IL11RA: variants seen among roughly 807,000 people sequenced by gnomAD.
IL11RA encodes interleukin 11 receptor subunit alpha.
In IL11RA, 51 loss-of-function variants were observed where a neutral mutation model predicts 57.0. The observed-to-expected ratio is 0.89, with a 90% CI of 0.71 to 1.13. IL11RA has a LOEUF of 1.13. Ranked by LOEUF, IL11RA falls within the 50% of genes most tolerant of loss-of-function variation. The pLI is 0.00. For synonymous variants in IL11RA, 199 were observed against 217.5 expected (o/e 0.91, Z 0.75); for missense variants, 498 against 539.4 (o/e 0.92, Z 0.76).
At chr9:34,655,160 C>G in intron 1 of IL11RA, 58 bp from the exon 2 acceptor site, 1 of 1,223,564 alleles carries the variant, frequency 8.2e-7, no homozygotes, top group Non-Finnish European at 1.2e-6. Flanking sequence ...GAGGAAGAGC[C>G]AGGCTTTAGC....
chr9:34,655,561 A>AG (rs757223662), intron 2 of IL11RA, 44 bp from the exon 3 acceptor site: 1 of 1,563,680 alleles, frequency 6.4e-7, no homozygotes, highest in South Asian at 1.1e-5. Context: ...CAAAGTGGGG[A>AG]GGGGGGTAAA....
intron 3 of IL11RA, among the ~76,000 whole-genome samples, chr9:34,656,242 G>T (rs1331619891): frequency 6.6e-6 from 1 of 151,976 alleles, no homozygotes; most frequent in African/African-American, 2.4e-5. Flanking sequence ...TACCATGTTG[G>T]TCAGGCTTTG....
chr9:34,654,873 G>C (rs2812354), intron 1 of IL11RA, among the ~76,000 whole-genome samples: 113 of 152,306 alleles, frequency 7.4e-4, no homozygotes, highest in Non-Finnish European at 1.3e-3. Flanking sequence ...AGTGCTTGGT[G>C]CCAGGGGTGG....
At position 34,658,438 on chromosome 9, in the gene IL11RA, C is replaced by T; in HGVS notation, c.647-82C>T. 7.0e-7 allele frequency: 1 copy of T among 1,438,640 alleles called. No individual in the cohort carries two copies. The highest frequency in any genetic ancestry group is 9.8e-7 in the Non-Finnish European group (1 of 1,020,258). The allele number at this position is 1,438,640 out of a possible 1,614,324, so 89.1% of individuals were successfully genotyped here. A position where few individuals can be genotyped will look rare whatever the true frequency, so the allele number is the denominator to read the frequency against. On this transcript the variant is annotated intron_variant, in intron 7 of 12. Coordinates refer to ENST00000441545, the MANE Select transcript of IL11RA (RefSeq NM_001142784.3). This position sits in a 1 kb window ranked among gnomAD's most constrained non-coding sequence, Gnocchi z 4.0. ...TCTCAGGAGTGTCTGGCTAAGGCTC[C>T]TTTAAACACACACTTTGGGAAGTGG...
At position 34,653,162 on chromosome 9, in the gene IL11RA, T is replaced by C. The variant is rs1402420708; in HGVS notation, c.-1+929T>C. 1.3e-5 allele frequency among the ~76,000 whole-genome samples: 2 copies of C among 152,174 alleles called. No homozygotes were observed. On this transcript the variant is annotated intron_variant, in intron 1 of 12. Coordinates refer to ENST00000441545, the MANE Select transcript of IL11RA (RefSeq NM_001142784.3). The surrounding 1 kb of genome is among the most constrained non-coding windows in gnomAD (Gnocchi z 4.5). ...CTGAGAGAGGGGGCTTAGACCATGA[T>C]GAAGAGTTGCTTTTAGGCGGTGCTG... is the stretch of plus-strand genomic sequence containing the variant.
chr9:34,657,284 A>C lies in IL11RA; in HGVS notation c.447-19A>C. On this transcript the variant is annotated intron_variant, in intron 5 of 12. Coordinates refer to ENST00000441545, the MANE Select transcript of IL11RA (RefSeq NM_001142784.3). ...GCCCTCTTTTCCTTCCTGACTTCAGATGGCCCCCTCCCCACCAGGAAGAAG... is the reference window on the plus strand; with the variant it reads ...GCCCTCTTTTCCTTCCTGACTTCAGCTGGCCCCCTCCCCACCAGGAAGAAG... 3.1e-6 allele frequency: 5 copies of C among 1,614,128 alleles called. No individual in the cohort carries two copies. The highest frequency in any genetic ancestry group is 4.2e-6 in the Non-Finnish European group (5 of 1,180,014).
chr9:34,660,733 C>A, intron 11 of IL11RA, 121 bp from the exon 12 acceptor site: 1 of 1,168,928 alleles, frequency 8.6e-7, no homozygotes, highest in Non-Finnish European at 1.3e-6. Flanking sequence ...CCCATACCTC[C>A]ATCCCCCATG....
intron 8 of IL11RA, among the ~76,000 whole-genome samples, chr9:34,659,413 GTA>G (rs1395810530): frequency 1.3e-5 from 2 of 152,176 alleles, no homozygotes; most frequent in African/African-American, 4.8e-5. Flanking sequence ...TGCCTGTGGG[GTA>G]CCTGGCTACA....
chr9:34,661,414 A>G, intron 12 of IL11RA, 68 bp from the exon 13 acceptor site: 1 of 1,562,952 alleles, frequency 6.4e-7, no homozygotes, highest in Non-Finnish European at 8.8e-7. Context: ...CACCTCCCTC[A>G]TTCTCAGGGT....
At chr9:34,656,453 A>T (rs1821345097) in intron 3 of IL11RA, among the ~76,000 whole-genome samples, 1 of 152,226 alleles carries the variant, frequency 6.6e-6, no homozygotes, top group Non-Finnish European at 1.5e-5. Flanking sequence ...CTCGTGACAG[A>T]GGGAGCAGCT....
At position 34,655,585 on chromosome 9, in the gene IL11RA, C is replaced by T. The variant is rs367888317; in HGVS notation, c.101-20C>T. ...GAGGGGGGTAAAGGAAGAGCCTTAC[C>T]TCAGAAGTGCCCTCCACAGGGGTCC... On this transcript the variant is annotated intron_variant, in intron 2 of 12. Coordinates refer to ENST00000441545, the MANE Select transcript of IL11RA (RefSeq NM_001142784.3). The T allele has an allele frequency of 6.2e-7, 1 of 1,613,078 alleles. No individual in the cohort carries two copies. Among genetic ancestry groups the T allele is most frequent in the Non-Finnish European group, 8.5e-7 (1 of 1,179,122 alleles).
chr9:34,661,110 G>A (rs141159616), intron 12 of IL11RA, among the ~76,000 whole-genome samples, 174 bp downstream of exon 12: 176 of 152,044 alleles, frequency 1.2e-3, no homozygotes, highest in African/African-American at 3.9e-3. Flanking sequence ...TGAGTCCCTG[G>A]GCTCAGAAGT....
Position 34,659,917 on chromosome 9 carries a change from A to G in IL11RA, c.952+17A>G. ...CGAGCACTGGTGAGAGACAAAGCCA[A>G]AGAAAAGGGCAGAGGCCCCATCCCA... On this transcript the variant is annotated intron_variant, in intron 9 of 12. Coordinates refer to ENST00000441545, the MANE Select transcript of IL11RA (RefSeq NM_001142784.3). 2 of 1,613,600 alleles carry G rather than the reference A, an allele frequency of 1.2e-6. No homozygotes were observed. The highest frequency in any genetic ancestry group is 8.5e-7 in the Non-Finnish European group (1 of 1,179,742).
chr9:34,657,270 C>T, intron 5 of IL11RA, 33 bp from the exon 6 acceptor site: 1 of 1,614,130 alleles, frequency 6.2e-7, no homozygotes, highest in Non-Finnish European at 8.5e-7. Context: ...CCCTCTTTTC[C>T]TTCCTGACTT....
At chr9:34,660,679 C>T in intron 11 of IL11RA, 79 bp downstream of exon 11, 7 of 1,317,668 alleles carry the variant, frequency 5.3e-6, no homozygotes, top group Non-Finnish European at 7.7e-6. Context: ...CATCTCCACC[C>T]TTCATGACTG....
chr9:34,655,031 A>G (rs1821316494), intron 1 of IL11RA, 187 bp from the exon 2 acceptor site: 2 of 625,500 alleles, frequency 3.2e-6, no homozygotes, highest in Non-Finnish European at 3.0e-6. Context: ...GCGCACGCAC[A>G]TGCAAAGCAC....
chr9:34,654,102 C>T (rs956675578), intron 1 of IL11RA: 2 of 152,478 alleles, frequency 1.3e-5, no homozygotes, highest in African/African-American at 4.8e-5. Flanking sequence ...CTGCTCTGCT[C>T]TACTCCTACT....
chr9:34,660,225 C>G (rs1250246575), intron 9 of IL11RA, 49 bp from the exon 10 acceptor site: 2 of 1,613,844 alleles, frequency 1.2e-6, no homozygotes, highest in Non-Finnish European at 1.7e-6. Flanking sequence ...GGACGTGACC[C>G]CCGTCCCCAC....
At position 34,656,849 on chromosome 9, in the gene IL11RA, C is replaced by A; in HGVS notation, c.272C>A (p.Thr91Asn). 6.2e-7 allele frequency: 1 copy of A among 1,614,138 alleles called. No homozygotes were observed. The highest frequency in any genetic ancestry group is 8.5e-7 in the Non-Finnish European group (1 of 1,180,024). The change falls in exon 4 of 13, where the codon ACC (threonine) becomes AAC (asparagine). Residue 91 changes from threonine to asparagine, a missense_variant. Coordinates refer to ENST00000441545, the MANE Select transcript of IL11RA (RefSeq NM_001142784.3). ...LAQADSTDEG[T>N]YICQTLDGAL... ...CAGGCAGACAGCACTGATGAGGGCA[C>A]CTACATCTGCCAGACCCTGGATGGT...
Sources: gnomAD v4.1 joint callset for allele counts (sites outside exome capture counted in the v4.1 genomes callset) on GRCh38, gnomAD v4.1.1 for gene constraint, Gnocchi (gnomAD v3.1) non-coding constraint, MANE v1.5 for transcripts, NCBI Gene and HGNC (gene_info 2026-07-23, HGNC 2026-07-21) for gene names.